The following GRID2 variants were observed in gnomAD, a reference collection of about 807,000 sequenced individuals.
GRID2 encodes the protein glutamate ionotropic receptor delta type subunit 2, also known as glutamate receptor ionotropic, delta-2.
In GRID2, 33 loss-of-function variants were observed where a neutral mutation model predicts 114.8. The ratio of observed to expected loss-of-function variants is 0.29; its 90% CI spans 0.22 to 0.38. The LOEUF (loss-of-function observed/expected upper bound fraction) is 0.38, where lower values mean the gene tolerates loss of function less well. GRID2 is among the 10% of genes least tolerant of loss of function. GRID2 has a pLI of 1.00. For missense variants in GRID2, 1,184 were observed against 1,257.7 expected (o/e 0.94, Z 0.89); for synonymous variants, 505 against 449.9 (o/e 1.12, Z -1.55).
chr4:93,113,574 G>A (rs555442512), intron 4 of GRID2, among the ~76,000 whole-genome samples: 5 of 152,282 alleles, frequency 3.3e-5, no homozygotes, highest in South Asian at 2.1e-4. Context: ...AGGCACTAGC[G>A]ATACAATGAC....
intron 14 of GRID2, among the ~76,000 whole-genome samples, chr4:93,678,251 A>C (rs1390118536): frequency 2.0e-5 from 3 of 152,166 alleles, no homozygotes; most frequent in Non-Finnish European, 4.4e-5. Flanking sequence ...GAAATGAACA[A>C]AGCCTCCAAG....
chr4:92,322,473 A>G (rs552201422), intron 1 of GRID2, among the ~76,000 whole-genome samples: 3 of 152,258 alleles, frequency 2.0e-5, no homozygotes, highest in African/African-American at 7.2e-5. Flanking sequence ...TAGATATCCC[A>G]TTTACCCTGA....
chr4:92,852,648 C>T (rs891894069), intron 2 of GRID2, among the ~76,000 whole-genome samples: 21 of 151,846 alleles, frequency 1.4e-4, no homozygotes, highest in African/African-American at 4.6e-4. Flanking sequence ...TCTCCCAGGC[C>T]ACAGATTCCA....
At chr4:92,384,251 A>G (rs977186678) in intron 1 of GRID2, among the ~76,000 whole-genome samples, 5 of 149,114 alleles carry the variant, frequency 3.4e-5, no homozygotes, top group Admixed American at 6.8e-5. Flanking sequence ...TGTATTTCCA[A>G]TGCATGGAAG....
At chr4:93,565,993 A>G (rs990594675) in intron 13 of GRID2, among the ~76,000 whole-genome samples, 4 of 152,202 alleles carry the variant, frequency 2.6e-5, no homozygotes, top group African/African-American at 4.8e-5. Flanking sequence ...TGAAAGTTCA[A>G]TGCAGTGGTG....
At chr4:93,068,273 C>G (rs1728487488) in intron 2 of GRID2, among the ~76,000 whole-genome samples, 1 of 151,918 alleles carries the variant, frequency 6.6e-6, no homozygotes, top group South Asian at 2.1e-4. Flanking sequence ...TTGTGACTAG[C>G]AAAAACCTTA....
rs537020819 is a variant in GRID2, at chr4:92,975,922, A to G, written c.245-109073A>G. 1.6e-4 allele frequency among the ~76,000 whole-genome samples: 25 copies of G among 151,754 alleles called. No homozygotes were observed. The South Asian group carries it at 3.9e-3, about 24-fold the overall frequency. ...AGAGAAGAAGCAAATTTACATGACT[A>G]TATGTGTATATACACAGACACATAT... On this transcript the variant is annotated intron_variant, in intron 2 of 15. Coordinates refer to ENST00000282020, the MANE Select transcript of GRID2 (RefSeq NM_001510.4).
At chr4:92,725,473 G>T (rs1935068010) in intron 2 of GRID2, among the ~76,000 whole-genome samples, 1 of 152,062 alleles carries the variant, frequency 6.6e-6, no homozygotes, top group Non-Finnish European at 1.5e-5. Context: ...CTATATCTAG[G>T]TATCTACTTG....
intron 1 of GRID2, among the ~76,000 whole-genome samples, chr4:92,376,834 G>T (rs1181099233): frequency 1.3e-5 from 2 of 152,102 alleles, no homozygotes; most frequent in Non-Finnish European, 1.5e-5. Context: ...GTCTGAATTA[G>T]CCCCTTTCAG....
intron 4 of GRID2, among the ~76,000 whole-genome samples, chr4:93,185,126 T>G (rs1309239197): frequency 6.6e-6 from 1 of 152,196 alleles, no homozygotes; most frequent in Non-Finnish European, 1.5e-5. Flanking sequence ...TTTGATTGAC[T>G]TATCCTTTAA....
At chr4:92,444,181 G>A (rs561735468) in intron 1 of GRID2, among the ~76,000 whole-genome samples, 23 of 152,344 alleles carry the variant, frequency 1.5e-4, no homozygotes, top group East Asian at 1.2e-3. Flanking sequence ...GAGGTCCCCC[G>A]ATCCGAGTCA....
At position 92,441,267 on chromosome 4, in the gene GRID2, G is replaced by A. The variant is rs1409487259; in HGVS notation, c.88+136523G>A. On this transcript the variant is annotated intron_variant, in intron 1 of 15. Transcript: ENST00000282020. ...CGTGTGTTTTTATGAGAATTATGCC[G>A]AGATAGGTAACAGATGAGGAAGAAA... Among the ~76,000 whole-genome samples, 12 of 152,216 alleles carry A rather than the reference G, an allele frequency of 7.9e-5. No individual in the cohort carries two copies. The South Asian group carries it at 1.5e-3, about 18-fold the overall frequency.
At chr4:92,987,620 A>G (rs1578682955) in intron 2 of GRID2, among the ~76,000 whole-genome samples, 1 of 152,220 alleles carries the variant, frequency 6.6e-6, no homozygotes, top group South Asian at 2.1e-4. Context: ...TAAGAAATAA[A>G]TAAATGAAAA....
At chr4:92,466,845 A>T (rs200658260) in intron 1 of GRID2, among the ~76,000 whole-genome samples, 9 of 151,452 alleles carry the variant, frequency 5.9e-5, no homozygotes, top group East Asian at 1.9e-4. Context: ...TGTGTGTGTT[A>T]TATATATATG....
chr4:93,353,817 G>T (rs948511420), intron 8 of GRID2, among the ~76,000 whole-genome samples: 35 of 151,950 alleles, frequency 2.3e-4, no homozygotes, highest in African/African-American at 8.0e-4. Flanking sequence ...AAAGCAGTAG[G>T]CACTATTTTA....
At chr4:92,720,197 C>G (rs947279511) in intron 2 of GRID2, among the ~76,000 whole-genome samples, 1 of 151,886 alleles carries the variant, frequency 6.6e-6, no homozygotes, top group African/African-American at 2.4e-5. Context: ...AAAAGATGTT[C>G]TGGACATCTT....
intron 1 of GRID2, among the ~76,000 whole-genome samples, chr4:92,516,579 C>G (rs923047288): frequency 6.6e-5 from 10 of 151,834 alleles, no homozygotes; most frequent in African/African-American, 9.7e-5. Flanking sequence ...TCAGATAAGG[C>G]TCACTTTAAA....
At chr4:93,317,986 AAT>A (rs58755199) in intron 8 of GRID2, among the ~76,000 whole-genome samples, 3,623 of 100,744 alleles carry the variant, frequency 0.036, 176 homozygotes, top group African/African-American at 0.1. Context: ...TTAAAAGTGA[AAT>A]ATATATATAT....
At chr4:93,712,932 A>G (rs1161401003) in intron 14 of GRID2, among the ~76,000 whole-genome samples, 2 of 152,186 alleles carry the variant, frequency 1.3e-5, no homozygotes, top group African/African-American at 4.8e-5. Flanking sequence ...GGTATCCAGT[A>G]TGCAAGTCAG....
Sources: allele counts gnomAD v4.1 joint callset (sites outside exome capture counted in the v4.1 genomes callset), GRCh38; gene constraint gnomAD v4.1.1; transcripts MANE v1.5; gene names NCBI Gene and HGNC (gene_info 2026-07-23, HGNC 2026-07-21).